Variants in EXOC4 observed in about 807,000 individuals in gnomAD.
EXOC4 encodes the protein exocyst complex component 4, also known as SEC8-like 1.
In EXOC4, 71 loss-of-function variants were observed where a neutral mutation model predicts 107.2. That is an observed-to-expected ratio of 0.66 (90% CI 0.55 to 0.81). The LOEUF (loss-of-function observed/expected upper bound fraction) is 0.81, where lower values mean the gene tolerates loss of function less well. Ranked by LOEUF, EXOC4 falls within the 30% of genes least tolerant of loss-of-function variation. The pLI is 0.00. For missense variants in EXOC4, 1,108 were observed against 1,189.6 expected (o/e 0.93, Z 1.01); for synonymous variants, 456 against 441.2 (o/e 1.03, Z -0.42).
chr7:133,483,941 C>CT, intron 9 of EXOC4: 4 of 1,248,282 alleles, frequency 3.2e-6, no homozygotes, highest in Non-Finnish European at 4.7e-6. Flanking sequence ...CCGTAAGAGA[C>CT]TAAGGGAAGA....
intron 7 of EXOC4, among the ~76,000 whole-genome samples, chr7:133,424,278 C>G (rs1204175356): frequency 1.3e-5 from 2 of 152,142 alleles, no homozygotes; most frequent in African/African-American, 4.8e-5. Flanking sequence ...AGCTGTAACA[C>G]TCACTGTGAA....
At chr7:133,420,212 T>C (rs920867034) in intron 7 of EXOC4, among the ~76,000 whole-genome samples, 2 of 143,316 alleles carry the variant, frequency 1.4e-5, no homozygotes, top group Non-Finnish European at 3.0e-5. Context: ...TGAGTGAGAA[T>C]ATGTGGTGTT....
chr7:133,337,588 T>A (rs919508609), intron 5 of EXOC4, among the ~76,000 whole-genome samples: 1 of 151,982 alleles, frequency 6.6e-6, no homozygotes, highest in African/African-American at 2.4e-5. Flanking sequence ...AAAATTTTTC[T>A]TGTATTTCCT....
At chr7:133,433,505 C>T (rs1439833423) in intron 7 of EXOC4, among the ~76,000 whole-genome samples, 1 of 152,170 alleles carries the variant, frequency 6.6e-6, no homozygotes, top group East Asian at 1.9e-4. Context: ...CAGCTTGGTA[C>T]CAAGCCCAGT....
chr7:133,389,642 T>G, intron 7 of EXOC4, among the ~76,000 whole-genome samples: 1 of 147,552 alleles, frequency 6.8e-6, no homozygotes. Context: ...TGATTGGGAG[T>G]TGGGGTCAGG....
At chr7:133,484,768 A>G (rs1799235684) in intron 9 of EXOC4, among the ~76,000 whole-genome samples, 1 of 152,132 alleles carries the variant, frequency 6.6e-6, no homozygotes, top group South Asian at 2.1e-4. Context: ...GATTTAAATG[A>G]TAAAGTGATG....
rs1240281488 is a variant in EXOC4 at position 133,690,573 on chromosome 7, A to G, written c.1514+60432A>G. 3.3e-5 allele frequency among the ~76,000 whole-genome samples: 5 copies of G among 152,194 alleles called. No homozygotes were observed. In the East Asian group the frequency reaches 9.6e-4, roughly 29 times the overall value. On this transcript the variant is annotated intron_variant, in intron 10 of 17. Coordinates refer to ENST00000253861, the MANE Select transcript of EXOC4 (RefSeq NM_021807.4). ...CTGGCGAATCAAATGCTTCATCTCA[A>G]CAGATTTGTTTATATTCGCCCCTTT...
At chr7:133,363,727 A>C (rs541103505) in intron 6 of EXOC4, among the ~76,000 whole-genome samples, 1 of 152,298 alleles carries the variant, frequency 6.6e-6, no homozygotes, top group South Asian at 2.1e-4. Context: ...ATGGACTGTA[A>C]TAACTTTATT....
At chr7:133,538,067 C>T (rs1248340674) in intron 9 of EXOC4, among the ~76,000 whole-genome samples, 1 of 152,028 alleles carries the variant, frequency 6.6e-6, no homozygotes, top group Non-Finnish European at 1.5e-5. Flanking sequence ...AAAGATGAGG[C>T]AATTGAGTTC....
chr7:133,528,907 C>T (rs916997767), intron 9 of EXOC4, among the ~76,000 whole-genome samples: 1 of 152,140 alleles, frequency 6.6e-6, no homozygotes, highest in Non-Finnish European at 1.5e-5. Flanking sequence ...TTGCCCTGCA[C>T]CTCTGGCTCT....
intron 10 of EXOC4, among the ~76,000 whole-genome samples, chr7:133,653,568 T>G (rs1803214223): frequency 6.6e-6 from 1 of 152,256 alleles, no homozygotes; most frequent in Non-Finnish European, 1.5e-5. Context: ...TCTTTTTTTC[T>G]CTGGGTCTTC....
At chr7:133,359,555 A>G (rs1039228010) in intron 6 of EXOC4, among the ~76,000 whole-genome samples, 13 of 152,152 alleles carry the variant, frequency 8.5e-5, no homozygotes, top group African/African-American at 3.1e-4. Flanking sequence ...CCCAACATGA[A>G]AATTTTCTCC....
intron 11 of EXOC4, among the ~76,000 whole-genome samples, chr7:133,889,657 G>A (rs1208652178): frequency 1.8e-5 from 2 of 112,866 alleles, no homozygotes; most frequent in Non-Finnish European, 3.5e-5. Flanking sequence ...CCACCTATGA[G>A]TGAGAATATG....
intron 14 of EXOC4, among the ~76,000 whole-genome samples, chr7:133,949,955 C>T (rs1800652273): frequency 1.3e-5 from 2 of 152,132 alleles, no homozygotes; most frequent in African/African-American, 4.8e-5. Flanking sequence ...TTGGGATGTG[C>T]AGTAAGGCCT....
chr7:133,261,720 T>A (rs1795156909), intron 1 of EXOC4, among the ~76,000 whole-genome samples: 2 of 152,200 alleles, frequency 1.3e-5, no homozygotes, highest in Admixed American at 1.3e-4. Flanking sequence ...AGAGCAACAT[T>A]TAGTCTAGGG....
intron 10 of EXOC4, among the ~76,000 whole-genome samples, chr7:133,793,220 C>T (rs1796741390): frequency 6.6e-6 from 1 of 152,094 alleles, no homozygotes; most frequent in Non-Finnish European, 1.5e-5. Flanking sequence ...ACTTTTAATT[C>T]TGGTGATTTG....
At chr7:133,649,470 T>TTC (rs1562891196) in intron 10 of EXOC4, among the ~76,000 whole-genome samples, 2 of 106,286 alleles carry the variant, frequency 1.9e-5, no homozygotes, top group Non-Finnish European at 4.0e-5. Context: ...ACTTTTTCTT[T>TTC]TTTTTTTTTT....
intron 16 of EXOC4, among the ~76,000 whole-genome samples, chr7:134,006,134 T>C (rs541432916): frequency 1.1e-4 from 16 of 152,294 alleles, no homozygotes; most frequent in Admixed American, 7.8e-4. Flanking sequence ...TGCTCTTGAC[T>C]GTGGCTCTTC....
intron 7 of EXOC4, among the ~76,000 whole-genome samples, chr7:133,392,934 C>T (rs558317609): frequency 7.2e-5 from 11 of 152,276 alleles, no homozygotes; most frequent in South Asian, 2.1e-4. Flanking sequence ...CTGTACAATT[C>T]GGACAAAGTC....
Sources: allele counts gnomAD v4.1 joint callset (sites outside exome capture counted in the v4.1 genomes callset), GRCh38; gene constraint gnomAD v4.1.1; transcripts MANE v1.5; gene names NCBI Gene and HGNC (gene_info 2026-07-23, HGNC 2026-07-21).